Variants in KLHL1 observed in about 807,000 individuals in gnomAD.
KLHL1 encodes the protein kelch-like protein 1.
A neutral mutation model predicts 77.7 loss-of-function variants in KLHL1; 47 were observed. That is an observed-to-expected ratio of 0.60 (90% CI 0.48 to 0.77). The LOEUF is 0.77. KLHL1 is among the 30% of genes least tolerant of loss of function. The probability of loss-of-function intolerance (pLI) is 0.00; values close to 1 mark genes in which losing one functional copy is unlikely to be tolerated. For synonymous variants in KLHL1, 360 were observed against 325.2 expected, an observed-to-expected ratio of 1.11 and a Z score of -1.15; for missense variants, 925 against 910.8, an observed-to-expected ratio of 1.02 and a Z score of -0.20.
chr13:69,995,021 G>A (rs911747014), intron 1 of KLHL1, among the ~76,000 whole-genome samples: 2 of 152,038 alleles, frequency 1.3e-5, no homozygotes, highest in Admixed American at 1.3e-4. Context: ...GTGTGGACAC[G>A]AGTGTCACTA....
rs547965579 is a variant in KLHL1, at chr13:69,947,564, GA to G, written c.818-7329del. ...ATCTCTCAATTATTTCCCCAAAAAA[GA>G]AAAAAAAAGAATTTTCACAAGATAT... On this transcript the variant is annotated intron_variant, in intron 3 of 10. Transcript: ENST00000377844. Among the ~76,000 whole-genome samples the G allele has an allele frequency of 4.3e-4, 63 of 147,814 alleles. No individual in the cohort carries two copies. The East Asian group carries it at 0.011, about 27-fold the overall frequency.
intron 5 of KLHL1, among the ~76,000 whole-genome samples, chr13:69,853,572 A>G (rs1005571892): frequency 1.3e-5 from 2 of 152,070 alleles, no homozygotes. Flanking sequence ...CTTGCATATC[A>G]GTAGAAAGTC....
At chr13:69,719,643 AG>A in intron 8 of KLHL1, 62 bp from the exon 9 acceptor site, 1 of 1,314,740 alleles carries the variant, frequency 7.6e-7, no homozygotes, top group Non-Finnish European at 1.1e-6. Flanking sequence ...AATATAGAAA[AG>A]GTCCTTTAAA....
At chr13:69,985,249 T>C (rs1006278659) in intron 1 of KLHL1, among the ~76,000 whole-genome samples, 1 of 152,080 alleles carries the variant, frequency 6.6e-6, no homozygotes. Flanking sequence ...ACATTCAGAA[T>C]ATATAAGAAA....
intron 1 of KLHL1, among the ~76,000 whole-genome samples, chr13:69,988,622 T>C (rs1884939802): frequency 6.6e-6 from 1 of 152,070 alleles, no homozygotes; most frequent in Admixed American, 6.6e-5. Context: ...TGCTAGCATG[T>C]GTTATTTTTT....
chr13:69,979,168 CA>C (rs11433328), intron 1 of KLHL1, among the ~76,000 whole-genome samples: 38 of 141,174 alleles, frequency 2.7e-4, no homozygotes, highest in African/African-American at 4.8e-4. Context: ...ATAAGAGGCT[CA>C]AAAAAAAAAT....
At chr13:69,962,270 CT>C (rs1884089861) in intron 2 of KLHL1, among the ~76,000 whole-genome samples, 1 of 151,564 alleles carries the variant, frequency 6.6e-6, no homozygotes, top group African/African-American at 2.4e-5. Flanking sequence ...GTTTGTTTTT[CT>C]GTTAGAATTT....
intron 6 of KLHL1, among the ~76,000 whole-genome samples, chr13:69,800,230 A>G (rs780365722): frequency 6.6e-6 from 1 of 152,180 alleles, no homozygotes; most frequent in Non-Finnish European, 1.5e-5. Flanking sequence ...ATCAGACATA[A>G]TGTAGAATAA....
chr13:69,766,643 G>A (rs1875317975), intron 7 of KLHL1, among the ~76,000 whole-genome samples: 1 of 152,044 alleles, frequency 6.6e-6, no homozygotes, highest in East Asian at 1.9e-4. Context: ...AGGAAATTCT[G>A]GAAAATATCC....
intron 1 of KLHL1, among the ~76,000 whole-genome samples, chr13:70,060,329 G>T (rs556196023): frequency 3.3e-5 from 5 of 152,096 alleles, no homozygotes; most frequent in Non-Finnish European, 7.3e-5. Context: ...ATGTAAATTA[G>T]TACAACCACT....
chr13:69,846,207 CA>C lies in KLHL1; in HGVS notation c.1228-7046del. ...AAAGATACAGAGCATAAGACTTTTC[CA>C]CAGGCAATATGTTCTTTCGTTAACA... is the stretch of plus-strand genomic sequence containing the variant. On this transcript the variant is annotated intron_variant, in intron 5 of 10. Coordinates refer to ENST00000377844, the MANE Select transcript of KLHL1 (RefSeq NM_020866.3). Among the ~76,000 whole-genome samples, 5 of 151,532 alleles carry C rather than the reference CA, an allele frequency of 3.3e-5. No homozygotes were observed. In the East Asian group the frequency reaches 9.7e-4, roughly 29 times the overall value.
chr13:69,992,537 A>G (rs1885052563), intron 1 of KLHL1, among the ~76,000 whole-genome samples: 3 of 152,052 alleles, frequency 2.0e-5, no homozygotes, highest in Admixed American at 2.0e-4. Context: ...ACTACAATCT[A>G]CTTTGTAGAT....
intron 6 of KLHL1, 146 bp downstream of exon 6, chr13:69,838,827 TAAG>T (rs1374227840): frequency 4.2e-6 from 2 of 478,794 alleles, no homozygotes; most frequent in African/African-American, 4.0e-5. Flanking sequence ...CAGCTACAAT[TAAG>T]GAGATATTTA....
At chr13:69,971,864 G>C (rs1436952592) in intron 2 of KLHL1, among the ~76,000 whole-genome samples, 1 of 152,058 alleles carries the variant, frequency 6.6e-6, no homozygotes, top group African/African-American at 2.4e-5. Flanking sequence ...GAGTATGTTT[G>C]ATAATTGTTT....
chr13:69,731,677 A>T lies in KLHL1; in HGVS notation c.1802+8717T>A, dbSNP rs144108402. Among the ~76,000 whole-genome samples the T allele has an allele frequency of 1.2e-3, 186 of 152,330 alleles. 2 individuals are homozygous for T. Among genetic ancestry groups the T allele is most frequent in the African/African-American group, 4.1e-3 (172 of 41,590 alleles). On this transcript the variant is annotated intron_variant, in intron 8 of 10. Coordinates refer to ENST00000377844, the MANE Select transcript of KLHL1 (RefSeq NM_020866.3). ...CAAAAAAGAGATTGAATTGACAAGT[A>T]GCTATTTGCTTTAGCTTTTTGTGAT...
chr13:69,946,930 G>C (rs944517944), intron 3 of KLHL1, among the ~76,000 whole-genome samples: 3 of 145,240 alleles, frequency 2.1e-5, no homozygotes, highest in African/African-American at 8.5e-5. Flanking sequence ...ACTTTCAATG[G>C]GAAAATTGCA....
At chr13:70,014,029 GA>G (rs1248895651) in intron 1 of KLHL1, among the ~76,000 whole-genome samples, 1 of 151,970 alleles carries the variant, frequency 6.6e-6, no homozygotes. Context: ...TGAGGACAGA[GA>G]AAATATATTC....
intron 6 of KLHL1, among the ~76,000 whole-genome samples, chr13:69,811,248 T>C (rs902096091): frequency 2.6e-5 from 4 of 152,048 alleles, no homozygotes; most frequent in Admixed American, 2.0e-4. Flanking sequence ...CAAATCTGAA[T>C]CCAGCACCAG....
chr13:69,721,062 G>GAT lies in KLHL1; in HGVS notation c.1803-1483_1803-1482dup, dbSNP rs753780468. On this transcript the variant is annotated intron_variant, in intron 8 of 10. Transcript: ENST00000377844. ...TATTCCTAGAAAAGATAGCTACTAAGATATATATATATATATAAAGCTATG... is the reference window on the plus strand; with the variant it reads ...TATTCCTAGAAAAGATAGCTACTAAGATATATATATATATATATAAAGCTATG... Among the ~76,000 whole-genome samples the GAT allele has an allele frequency of 2.5e-3, 51 of 20,630 alleles. 17 individuals are homozygous for GAT. The highest frequency in any genetic ancestry group is 3.2e-3 in the African/African-American group (36 of 11,168). 13.5% of individuals were successfully genotyped at this position (20,630 alleles called of 152,430 possible).
Sources: gnomAD v4.1 joint callset for allele counts (sites outside exome capture counted in the v4.1 genomes callset) on GRCh38, gnomAD v4.1.1 for gene constraint, MANE v1.5 for transcripts, NCBI Gene and HGNC (gene_info 2026-07-23, HGNC 2026-07-21) for gene names.